FANCC: variants seen among roughly 807,000 people sequenced by gnomAD.
FANCC encodes FA complementation group C.
In FANCC, 55 loss-of-function variants were observed where a neutral mutation model predicts 71.3. The ratio of observed to expected loss-of-function variants is 0.77; its 90% CI spans 0.62 to 0.97. The LOEUF is 0.97. FANCC is among the 50% of genes least tolerant of loss of function. FANCC has a pLI of 0.00. For synonymous variants in FANCC, 275 were observed against 244.9 expected (o/e 1.12, Z -1.15); for missense variants, 678 against 670.9 (o/e 1.01, Z -0.12).
At chr9:95,164,697 C>T (rs1384851278) in intron 6 of FANCC, among the ~76,000 whole-genome samples, 1 of 152,124 alleles carries the variant, frequency 6.6e-6, no homozygotes, top group East Asian at 1.9e-4. Flanking sequence ...GTTGAATTCC[C>T]TTTTTGCTGA....
chr9:95,278,652 C>A (rs150308040), intron 1 of FANCC, among the ~76,000 whole-genome samples: 9 of 152,262 alleles, frequency 5.9e-5, no homozygotes, highest in African/African-American at 1.9e-4. Flanking sequence ...ATGTGCACTA[C>A]ATTAGGTGTA....
chr9:95,264,680 G>C (rs929941878), intron 1 of FANCC, among the ~76,000 whole-genome samples: 4 of 152,042 alleles, frequency 2.6e-5, no homozygotes, highest in African/African-American at 9.7e-5. Flanking sequence ...GATGTATGGA[G>C]AGAATGCTAC....
At chr9:95,192,044 T>C (rs1827148400) in intron 4 of FANCC, among the ~76,000 whole-genome samples, 1 of 152,230 alleles carries the variant, frequency 6.6e-6, no homozygotes, top group Non-Finnish European at 1.5e-5. Flanking sequence ...ATGTGAGTTG[T>C]TCTGAATGCA....
intron 1 of FANCC, among the ~76,000 whole-genome samples, chr9:95,256,122 G>C (rs1831642625): frequency 6.6e-6 from 1 of 152,094 alleles, no homozygotes; most frequent in South Asian, 2.1e-4. Context: ...CACTCTTCAG[G>C]GTATCATCCA....
chr9:95,106,218 T>C (rs765488552), intron 14 of FANCC, among the ~76,000 whole-genome samples: 7 of 152,202 alleles, frequency 4.6e-5, no homozygotes, highest in Non-Finnish European at 8.8e-5. Flanking sequence ...ATGCCCTTTC[T>C]GTGAGCATCT....
intron 12 of FANCC, 153 bp downstream of exon 12, chr9:95,114,476 T>C: frequency 1.3e-6 from 1 of 768,274 alleles, no homozygotes; most frequent in Non-Finnish European, 2.3e-6. Context: ...AGCCATGCGC[T>C]TCCTCCACTT....
At chr9:95,110,861 G>C in intron 13 of FANCC, 1 of 1,190,622 alleles carries the variant, frequency 8.4e-7, no homozygotes, top group Non-Finnish European at 1.0e-6. Context: ...AATAACAACT[G>C]TCTTTGCCAC....
chr9:95,175,879 A>G (rs1459807472), intron 4 of FANCC, among the ~76,000 whole-genome samples: 5 of 152,224 alleles, frequency 3.3e-5, no homozygotes, highest in Non-Finnish European at 7.4e-5. Flanking sequence ...AGTCAGACCC[A>G]GGCAGAGAAG....
intron 12 of FANCC, among the ~76,000 whole-genome samples, chr9:95,112,007 AG>A (rs1439069876): frequency 6.6e-5 from 10 of 152,184 alleles, no homozygotes; most frequent in Admixed American, 6.5e-4. Flanking sequence ...AAAGAGGTGG[AG>A]GGTAGGACGC....
intron 8 of FANCC, chr9:95,126,996 G>C (rs1422128337): frequency 4.3e-6 from 1 of 231,116 alleles, no homozygotes; most frequent in Non-Finnish European, 8.6e-6. Context: ...GCCCGTGCCT[G>C]CAGCCTGTTT....
intron 4 of FANCC, among the ~76,000 whole-genome samples, chr9:95,233,166 C>T (rs1317023431): frequency 9.9e-5 from 15 of 151,846 alleles, no homozygotes; most frequent in Non-Finnish European, 4.4e-5. Context: ...GAATAAATAT[C>T]CCCTATACAG....
At chr9:95,144,610 A>C in intron 7 of FANCC, among the ~76,000 whole-genome samples, 1 of 152,210 alleles carries the variant, frequency 6.6e-6, no homozygotes. Context: ...GCTCTTGCTG[A>C]AAGAGTAAGG....
rs369684405 is a variant in FANCC, at chr9:95,111,495, G to T, written c.1297C>A (p.Arg433Ser). The change falls in exon 13 of 15, where the codon CGT (arginine) becomes AGT (serine). Residue 433 changes from arginine to serine, a missense_variant. By Grantham distance (110) the Arg-to-Ser change is moderately radical. Transcript: ENST00000289081. The stretch of plus-strand genomic sequence containing the variant: ...TGTGCTCTCTGCTGCCTCCCATCAC[G>T]GGGGCCGTAGTAGAAGGCCAAGAGC... Reference protein sequence around the residue: ...LWLLAFYYGPRDGRQQRAQTM... With the variant: ...LWLLAFYYGPSDGRQQRAQTM... The T allele has an allele frequency of 6.2e-7, 1 of 1,613,802 alleles. No individual in the cohort carries two copies. The highest frequency in any genetic ancestry group is 8.5e-7 in the Non-Finnish European group (1 of 1,180,018).
In FANCC at chr9:95,309,544, A is replaced by T. The variant is rs1835259671; in HGVS notation, c.-79+7982T>A. Among the ~76,000 whole-genome samples the T allele has an allele frequency of 2.0e-5, 3 of 152,222 alleles. No homozygotes were observed. The South Asian group carries it at 6.2e-4, about 32-fold the overall frequency. ...ACCAAATTCAGAAAGCTAGGGCTAA[A>T]TATAACTGATTCCTTCAGACAAGTG... On this transcript the variant is annotated intron_variant, in intron 1 of 14. Coordinates refer to ENST00000289081, the MANE Select transcript of FANCC (RefSeq NM_000136.3).
At chr9:95,120,357 T>C (rs891270438) in intron 10 of FANCC, among the ~76,000 whole-genome samples, 6 of 152,178 alleles carry the variant, frequency 3.9e-5, no homozygotes, top group Non-Finnish European at 8.8e-5. Flanking sequence ...AATTCTGATC[T>C]ATCTATGGCT....
chr9:95,293,343 C>T, intron 1 of FANCC: 1 of 1,604,990 alleles, frequency 6.2e-7, no homozygotes, highest in Non-Finnish European at 8.5e-7. Flanking sequence ...GATCAGGGCT[C>T]TGCCACAGGG....
At chr9:95,164,790 T>C (rs1209919923) in intron 6 of FANCC, among the ~76,000 whole-genome samples, 1 of 152,166 alleles carries the variant, frequency 6.6e-6, no homozygotes, top group Non-Finnish European at 1.5e-5. Flanking sequence ...AGGGTAATGC[T>C]TGCTCACAAA....
chr9:95,108,846 T>G (rs2071675023), intron 13 of FANCC, among the ~76,000 whole-genome samples: 1 of 152,140 alleles, frequency 6.6e-6, no homozygotes, highest in Non-Finnish European at 1.5e-5. Flanking sequence ...CTTTCATTTT[T>G]CTCTCCATAA....
chr9:95,232,969 C>T (rs1380289510), intron 4 of FANCC, among the ~76,000 whole-genome samples: 2 of 152,184 alleles, frequency 1.3e-5, no homozygotes, highest in East Asian at 1.9e-4. Context: ...TCAGCCTTGA[C>T]GGGGCTCATC....
Sources: gnomAD v4.1 joint callset for allele counts (sites outside exome capture counted in the v4.1 genomes callset) on GRCh38, gnomAD v4.1.1 for gene constraint, MANE v1.5 for transcripts, NCBI Gene and HGNC (gene_info 2026-07-23, HGNC 2026-07-21) for gene names.